The following SLIT2 variants were observed in gnomAD, a reference collection of about 807,000 sequenced individuals.
SLIT2 encodes slit guidance ligand 2, also known as slit homolog 2 protein.
A neutral mutation model predicts 185.7 loss-of-function variants in SLIT2; 41 were observed. That is an observed-to-expected ratio of 0.22 (90% CI 0.17 to 0.29). SLIT2 has a LOEUF of 0.29. SLIT2 is among the 10% of genes least tolerant of loss of function. The pLI is 1.00. For synonymous variants in SLIT2, 693 were observed against 680.2 expected, an observed-to-expected ratio of 1.02 and a Z score of -0.29; for missense variants, 1,571 against 1,909.0, an observed-to-expected ratio of 0.82 and a Z score of 3.30.
chr4:20,475,979 A>G (rs1716065039), intron 5 of SLIT2, among the ~76,000 whole-genome samples: 1 of 152,210 alleles, frequency 6.6e-6, no homozygotes, highest in Non-Finnish European at 1.5e-5. Context: ...AAATTCTCAC[A>G]TAATGTAAAT....
At chr4:20,401,974 T>C (rs1246797641) in intron 4 of SLIT2, among the ~76,000 whole-genome samples, 1 of 151,946 alleles carries the variant, frequency 6.6e-6, no homozygotes, top group Non-Finnish European at 1.5e-5. Context: ...GTATTTTGTT[T>C]TATTCTTTCT....
intron 29 of SLIT2, among the ~76,000 whole-genome samples, chr4:20,573,551 T>C (rs1392284436): frequency 1.3e-5 from 2 of 152,198 alleles, no homozygotes; most frequent in African/African-American, 2.4e-5. Context: ...TAAATTTTTT[T>C]AATTTTCTAC....
intron 4 of SLIT2, among the ~76,000 whole-genome samples, chr4:20,444,516 T>C (rs959293078): frequency 1.3e-5 from 2 of 152,170 alleles, no homozygotes; most frequent in East Asian, 3.9e-4. Context: ...CACAAACCTA[T>C]GTTAAAATCC....
intron 3 of SLIT2, among the ~76,000 whole-genome samples, chr4:20,262,799 T>G (rs1269954885): frequency 6.6e-6 from 1 of 151,934 alleles, no homozygotes; most frequent in Non-Finnish European, 1.5e-5. Flanking sequence ...CATAGAAAGC[T>G]TTAATCCCTG....
At chr4:20,350,548 G>GT (rs1246475632) in intron 4 of SLIT2, among the ~76,000 whole-genome samples, 1 of 152,054 alleles carries the variant, frequency 6.6e-6, no homozygotes, top group African/African-American at 2.4e-5. Flanking sequence ...AGAATAATAT[G>GT]TAAGTCTCTT....
chr4:20,587,792 T>C (rs1035749339), intron 29 of SLIT2, among the ~76,000 whole-genome samples: 1 of 152,220 alleles, frequency 6.6e-6, no homozygotes, highest in African/African-American at 2.4e-5. Flanking sequence ...TTATGGACTG[T>C]GACTTAGATT....
chr4:20,409,751 A>G (rs1254311178), intron 4 of SLIT2, among the ~76,000 whole-genome samples: 1 of 152,128 alleles, frequency 6.6e-6, no homozygotes, highest in Non-Finnish European at 1.5e-5. Context: ...TAACTTTTTA[A>G]TAATAGCTAT....
intron 36 of SLIT2, 95 bp from the exon 37 acceptor site, chr4:20,618,673 G>A: frequency 1.5e-6 from 2 of 1,316,386 alleles, no homozygotes; most frequent in Non-Finnish European, 2.1e-6. Context: ...CAAAGGGGAA[G>A]CAAAGGCTTC....
intron 4 of SLIT2, among the ~76,000 whole-genome samples, chr4:20,437,317 A>G (rs1729412938): frequency 6.6e-6 from 1 of 152,108 alleles, no homozygotes; most frequent in Non-Finnish European, 1.5e-5. Context: ...TGTTGAAGGC[A>G]AAAAACTAGG....
intron 4 of SLIT2, among the ~76,000 whole-genome samples, chr4:20,416,962 C>CTT (rs33980142): frequency 9.9e-5 from 14 of 141,372 alleles, no homozygotes; most frequent in Non-Finnish European, 1.1e-4. Flanking sequence ...GCTATCAAAT[C>CTT]TTTTTTTTTT....
Position 20,523,745 on chromosome 4 carries a change from T to A in SLIT2, c.1131-15T>A, listed in dbSNP as rs374347620. Reference sequence around the variant, plus strand: ...AGATGCTACACTTTAATTCTACAACTATTTAATCAAACAGATTATTGAATG... The same window carrying A: ...AGATGCTACACTTTAATTCTACAACAATTTAATCAAACAGATTATTGAATG... On this transcript the variant is annotated splice_polypyrimidine_tract_variant and intron_variant, in intron 12 of 36. Transcript: ENST00000504154. 3 of 1,611,856 alleles carry A rather than the reference T, an allele frequency of 1.9e-6. No individual in the cohort carries two copies. In the African/African-American group the frequency reaches 4.0e-5, roughly 22 times the overall value.
intron 9 of SLIT2, among the ~76,000 whole-genome samples, chr4:20,507,341 G>A (rs964565413): frequency 1.1e-4 from 17 of 151,854 alleles, no homozygotes; most frequent in African/African-American, 3.9e-4. Context: ...TGATCATTAC[G>A]AGTATTCTAG....
chr4:20,600,070 T>G (rs138200053), intron 33 of SLIT2, among the ~76,000 whole-genome samples: 1 of 152,178 alleles, frequency 6.6e-6, no homozygotes, highest in African/African-American at 2.4e-5. Flanking sequence ...AGATTTTAGA[T>G]ATTACGAGGC....
At position 20,472,288 on chromosome 4, in the gene SLIT2, A is replaced by ATATATATC. The variant is rs1560452857; in HGVS notation, c.467+4471_467+4472insTCTATATA. On this transcript the variant is annotated intron_variant, in intron 5 of 36. Coordinates refer to ENST00000504154, the MANE Select transcript of SLIT2 (RefSeq NM_004787.4). ...TATAGATATATATCTATATATATAG[A>ATATATATC]TATATAGATATATAGATCTATATAT... Among the ~76,000 whole-genome samples, 115 of 21,232 alleles carry ATATATATC rather than the reference A, an allele frequency of 5.4e-3. 18 individuals carry two copies. The highest frequency in any genetic ancestry group is 0.033 in the African/African-American group (108 of 3,254). 13.9% of individuals were successfully genotyped at this position (21,232 alleles called of 152,430 possible). A position where few individuals can be genotyped will look rare whatever the true frequency, so the allele number is the denominator to read the frequency against.
intron 4 of SLIT2, among the ~76,000 whole-genome samples, chr4:20,279,827 ATTCT>A (rs1367811740): frequency 6.6e-6 from 1 of 152,152 alleles, no homozygotes; most frequent in African/African-American, 2.4e-5. Context: ...GTCACATATA[ATTCT>A]TTAATCGTAA....
intron 26 of SLIT2, among the ~76,000 whole-genome samples, chr4:20,563,106 A>G (rs1724828283): frequency 6.6e-6 from 1 of 151,746 alleles, no homozygotes; most frequent in South Asian, 2.1e-4. Context: ...AGATTAAAGT[A>G]ACTGACAGAG....
At position 20,542,505 on chromosome 4, in the gene SLIT2, A is replaced by G; in HGVS notation, c.2155A>G (p.Asn719Asp). Residue 719 changes from asparagine to aspartate, a missense_variant, in exon 21 of 37, where the codon AAT becomes GAT. Transcript: ENST00000504154. ...DFTCDDGNDD[N>D]SCSPLSRCPT... The stretch of plus-strand genomic sequence containing the variant: ...CCTCTGCGATTTAGGAAATGATGAC[A>G]ATAGTTGCTCCCCACTTTCTCGCTG... 1.2e-6 allele frequency: 2 copies of G among 1,613,638 alleles called. No homozygotes were observed. Among genetic ancestry groups the G allele is most frequent in the Non-Finnish European group, 1.7e-6 (2 of 1,179,732 alleles).
intron 4 of SLIT2, among the ~76,000 whole-genome samples, chr4:20,443,051 T>C (rs1009336443): frequency 3.3e-5 from 5 of 152,216 alleles, no homozygotes; most frequent in Non-Finnish European, 7.3e-5. Context: ...TTGTTTCTCA[T>C]AGGTCATATC....
rs564600413 is a variant in SLIT2, at chr4:20,380,055, G to A, written c.396-87697G>A. Among the ~76,000 whole-genome samples, 4 of 152,140 alleles carry A rather than the reference G, an allele frequency of 2.6e-5. No individual in the cohort carries two copies. The South Asian group carries it at 8.3e-4, about 32-fold the overall frequency. On this transcript the variant is annotated intron_variant, in intron 4 of 36. Transcript: ENST00000504154. The stretch of plus-strand genomic sequence containing the variant: ...TGTGATGAAACTAGGTAAGACGAGG[G>A]AATTGATCAATGTAAAGGAGTATGT...
Sources: gnomAD v4.1 joint callset for allele counts (sites outside exome capture counted in the v4.1 genomes callset) on GRCh38, gnomAD v4.1.1 for gene constraint, MANE v1.5 for transcripts, NCBI Gene and HGNC (gene_info 2026-07-23, HGNC 2026-07-21) for gene names.